Variants in TMEM200A observed in about 807,000 individuals in gnomAD.
TMEM200A encodes two transmembrane C.
Under a neutral mutation model 24.3 loss-of-function variants are expected in TMEM200A, and 12 were observed. The ratio of observed to expected loss-of-function variants is 0.49; its 90% confidence interval spans 0.32 to 0.80. The LOEUF is 0.80. Ranked by LOEUF, TMEM200A falls within the 30% of genes least tolerant of loss-of-function variation. The pLI is 0.04. For missense variants in TMEM200A, 545 were observed against 614.4 expected (o/e 0.89, Z 1.19); for synonymous variants, 224 against 224.4 (o/e 1.00, Z 0.02).
intron 2 of TMEM200A, among the ~76,000 whole-genome samples, chr6:130,402,067 C>CT (rs1779102031): frequency 7.0e-6 from 1 of 142,574 alleles, no homozygotes; most frequent in African/African-American, 2.7e-5. Context: ...TCATAGCTGC[C>CT]TTTCTTAAAA....
intron 2 of TMEM200A, among the ~76,000 whole-genome samples, chr6:130,400,334 C>T (rs1779054763): frequency 6.6e-6 from 1 of 152,054 alleles, no homozygotes; most frequent in South Asian, 2.1e-4. Flanking sequence ...CACTGCTTTC[C>T]ATAGTGGCTG....
At chr6:130,423,058 A>G (rs1411131423) in intron 2 of TMEM200A, among the ~76,000 whole-genome samples, 1 of 152,226 alleles carries the variant, frequency 6.6e-6, no homozygotes, top group Non-Finnish European at 1.5e-5. Context: ...TGTGACTTTG[A>G]AGAAATGAAA....
Position 130,401,831 on chromosome 6 carries a change from A to ATGTTTGTGTGTGTG in TMEM200A, c.-17+16604_-17+16617dup, listed in dbSNP as rs1367277411. 1.6e-4 allele frequency among the ~76,000 whole-genome samples: 25 copies of ATGTTTGTGTGTGTG among 151,782 alleles called. No individual in the cohort carries two copies. In the East Asian group the frequency reaches 2.5e-3, roughly 15 times the overall value. On this transcript the variant is annotated intron_variant, in intron 2 of 2. Transcript: ENST00000296978. ...TTATTTACTTAGTATTTCTTCTTTA[A>ATGTTTGTGTGTGTG]TGTTTGTGTGTGTGTGTTTGTGAGC...
chr6:130,425,744 A>ATAAC (rs1779719515), intron 2 of TMEM200A, among the ~76,000 whole-genome samples: 1 of 152,220 alleles, frequency 6.6e-6, no homozygotes, highest in African/African-American at 2.4e-5. Flanking sequence ...GGGGCTGTTG[A>ATAAC]TAACTACTTT....
intron 2 of TMEM200A, among the ~76,000 whole-genome samples, chr6:130,404,722 C>T (rs541616358): frequency 1.3e-5 from 2 of 152,104 alleles, no homozygotes; most frequent in East Asian, 3.9e-4. Context: ...TTGCTTTTGG[C>T]GTCTTTGTCA....
At chr6:130,403,364 T>C (rs1167876315) in intron 2 of TMEM200A, among the ~76,000 whole-genome samples, 3 of 152,154 alleles carry the variant, frequency 2.0e-5, no homozygotes, top group Non-Finnish European at 4.4e-5. Context: ...TTAGATACTG[T>C]AATAATGAAT....
At chr6:130,409,117 G>T (rs190159919) in intron 2 of TMEM200A, among the ~76,000 whole-genome samples, 1 of 151,768 alleles carries the variant, frequency 6.6e-6, no homozygotes, top group Non-Finnish European at 1.5e-5. Flanking sequence ...CCTTCCTTTC[G>T]TTGCTTCCAA....
chr6:130,406,333 T>G (rs1301643867), intron 2 of TMEM200A, among the ~76,000 whole-genome samples: 1 of 152,196 alleles, frequency 6.6e-6, no homozygotes, highest in Non-Finnish European at 1.5e-5. Flanking sequence ...GTAGCCCTTG[T>G]GTGCTCTGAT....
chr6:130,382,602 AG>A (rs929060994), intron 1 of TMEM200A, among the ~76,000 whole-genome samples: 2 of 152,308 alleles, frequency 1.3e-5, no homozygotes, highest in Admixed American at 1.3e-4. Context: ...TCCTAAACCC[AG>A]GGCTATAAGT....
intron 2 of TMEM200A, among the ~76,000 whole-genome samples, chr6:130,400,377 T>C (rs75574615): frequency 0.31 from 46,627 of 151,848 alleles, 10,381 homozygotes; most frequent in African/African-American, 0.63. Flanking sequence ...CAGTGTAGAA[T>C]TGTTCCCTGT....
chr6:130,402,902 TTA>T (rs1779121477), intron 2 of TMEM200A, among the ~76,000 whole-genome samples: 1 of 152,116 alleles, frequency 6.6e-6, no homozygotes, highest in South Asian at 2.1e-4. Context: ...TGTAGCCTCT[TTA>T]TGTTATCTAC....
intron 2 of TMEM200A, among the ~76,000 whole-genome samples, chr6:130,439,918 TG>T (rs1780111904): frequency 6.6e-6 from 1 of 152,178 alleles, no homozygotes; most frequent in East Asian, 1.9e-4. Context: ...ATTGCTGGAA[TG>T]TATCCTCTTT....
intron 2 of TMEM200A, among the ~76,000 whole-genome samples, chr6:130,395,631 A>G (rs1320874533): frequency 6.6e-6 from 1 of 152,244 alleles, no homozygotes; most frequent in Non-Finnish European, 1.5e-5. Context: ...AAACAAATAA[A>G]TTGTTAAAGA....
At chr6:130,408,919 G>A (rs190788876) in intron 2 of TMEM200A, among the ~76,000 whole-genome samples, 11 of 152,230 alleles carry the variant, frequency 7.2e-5, no homozygotes, top group Admixed American at 2.6e-4. Context: ...ATCCACTGCA[G>A]CATTCACACA....
chr6:130,370,208 T>A (rs573044661), intron 1 of TMEM200A, among the ~76,000 whole-genome samples: 29 of 152,298 alleles, frequency 1.9e-4, no homozygotes, highest in African/African-American at 5.5e-4. Context: ...AAACCTACAT[T>A]CCTGGGCTTT....
At chr6:130,425,156 T>C (rs1779700059) in intron 2 of TMEM200A, among the ~76,000 whole-genome samples, 1 of 152,168 alleles carries the variant, frequency 6.6e-6, no homozygotes, top group Admixed American at 6.6e-5. Context: ...CAGTGACAGA[T>C]TCTGGTCACT....
At position 130,441,385 on chromosome 6, in the gene TMEM200A, T is replaced by C. The variant is rs1270670417; in HGVS notation, c.963T>C (p.Asn321=). 3 of 1,613,978 alleles carry C rather than the reference T, an allele frequency of 1.9e-6. No homozygotes were observed. The highest frequency in any genetic ancestry group is 2.5e-6 in the Non-Finnish European group (3 of 1,180,006). Residue 321 remains asparagine, a synonymous_variant, in exon 3 of 3, where the codon AAT becomes AAC. Transcript: ENST00000296978. The part of the protein sequence containing the change: ...DADNLKSRSR[N]LSMDSLVVPL... Reference sequence around the variant, plus strand: ...ACAACCTCAAAAGTAGGTCAAGGAATTTGTCAATGGATTCCCTTGTGGTTC... The same window carrying C: ...ACAACCTCAAAAGTAGGTCAAGGAACTTGTCAATGGATTCCCTTGTGGTTC...
chr6:130,390,165 C>T (rs1778803007), intron 2 of TMEM200A, among the ~76,000 whole-genome samples: 1 of 152,176 alleles, frequency 6.6e-6, no homozygotes, highest in Non-Finnish European at 1.5e-5. Flanking sequence ...TGTTTTTTCA[C>T]TTACTAAATC....
chr6:130,389,302 G>A (rs1410345523), intron 2 of TMEM200A, among the ~76,000 whole-genome samples: 3 of 152,178 alleles, frequency 2.0e-5, no homozygotes, highest in Admixed American at 1.3e-4. Context: ...GGGCTCTCCT[G>A]ATTTCCAGCC....
Sources: gnomAD v4.1 joint callset for allele counts (sites outside exome capture counted in the v4.1 genomes callset) on GRCh38, gnomAD v4.1.1 for gene constraint, MANE v1.5 for transcripts, NCBI Gene and HGNC (gene_info 2026-07-23, HGNC 2026-07-21) for gene names.